FARS2: variants seen among roughly 807,000 people sequenced by gnomAD.
The protein encoded by FARS2 is phenylalanyl-tRNA synthetase 2, mitochondrial, also known as phenylalanine--tRNA ligase, mitochondrial.
Under a neutral mutation model 46.4 loss-of-function variants are expected in FARS2, and 40 were observed. The observed-to-expected ratio is 0.86, with a 90% CI of 0.67 to 1.12. FARS2 has a LOEUF of 1.12. Among genes scored for constraint, FARS2 ranks in the 50% most tolerant of loss-of-function variants. The pLI is 0.00. For missense variants in FARS2, 513 were observed against 567.9 expected, an observed-to-expected ratio of 0.90 and a Z score of 0.98; for synonymous variants, 234 against 214.9, an observed-to-expected ratio of 1.09 and a Z score of -0.78.
chr6:5,574,404 G>A (rs868167231), intron 5 of FARS2, among the ~76,000 whole-genome samples: 8 of 152,158 alleles, frequency 5.3e-5, no homozygotes, highest in African/African-American at 1.7e-4. Flanking sequence ...GATTACAGGC[G>A]TTAGGAGAGT....
intron 1 of FARS2, among the ~76,000 whole-genome samples, chr6:5,317,200 A>G (rs940034944): frequency 3.3e-5 from 5 of 152,200 alleles, no homozygotes; most frequent in African/African-American, 1.2e-4. Context: ...ACCCAGATAA[A>G]CATAAAACCT....
chr6:5,580,020 A>G (rs968069535), intron 5 of FARS2, among the ~76,000 whole-genome samples: 7 of 152,002 alleles, frequency 4.6e-5, no homozygotes, highest in African/African-American at 1.4e-4. Context: ...GGCCGGGCGC[A>G]GTGGCTCATG....
chr6:5,387,227 C>G (rs1447047603), intron 2 of FARS2, among the ~76,000 whole-genome samples: 1 of 152,150 alleles, frequency 6.6e-6, no homozygotes, highest in Non-Finnish European at 1.5e-5. Context: ...GGCATGATTT[C>G]TAAGTGACAT....
rs556148435 is a variant in FARS2 at position 5,770,932 on chromosome 6, G to T, written c.1218-359G>T. Among the ~76,000 whole-genome samples, 492 of 152,220 alleles carry T rather than the reference G, an allele frequency of 3.2e-3. 6 individuals carry two copies. The highest frequency in any genetic ancestry group is 0.011 in the African/African-American group (470 of 41,534). ...GGTTGACCCCTGACCCTGTCTGCTT[G>T]TTAGAATCACGTCGGGAACCGGGGA... On this transcript the variant is annotated intron_variant, in intron 6 of 6. Transcript: ENST00000274680.
intron 6 of FARS2, among the ~76,000 whole-genome samples, chr6:5,719,939 A>T (rs1289221252): frequency 6.6e-6 from 1 of 152,220 alleles, no homozygotes; most frequent in Non-Finnish European, 1.5e-5. Flanking sequence ...ATTATACCAC[A>T]GAAATTGTTA....
At chr6:5,667,258 G>A (rs1489046381) in intron 6 of FARS2, among the ~76,000 whole-genome samples, 5 of 152,106 alleles carry the variant, frequency 3.3e-5, no homozygotes, top group Non-Finnish European at 5.9e-5. Context: ...AGTGGCTCAC[G>A]CCTGTAATCC....
At chr6:5,337,958 G>A (rs1431591365) in intron 1 of FARS2, among the ~76,000 whole-genome samples, 1 of 151,968 alleles carries the variant, frequency 6.6e-6, no homozygotes, top group Admixed American at 6.6e-5. Context: ...TCATATTTTT[G>A]GTAGAACAAT....
chr6:5,406,920 GC>G (rs1386861922), intron 3 of FARS2, among the ~76,000 whole-genome samples: 2 of 151,412 alleles, frequency 1.3e-5, no homozygotes, highest in African/African-American at 4.9e-5. Context: ...TTTAATTGTA[GC>G]CATTCTAACA....
chr6:5,332,226 A>C (rs183720381), intron 1 of FARS2, among the ~76,000 whole-genome samples: 5 of 152,332 alleles, frequency 3.3e-5, no homozygotes, highest in African/African-American at 9.6e-5. Context: ...TGCAGCAAGC[A>C]GTGGGTTGTA....
At chr6:5,481,166 C>T (rs920133974) in intron 4 of FARS2, among the ~76,000 whole-genome samples, 7 of 152,208 alleles carry the variant, frequency 4.6e-5, no homozygotes, top group Non-Finnish European at 8.8e-5. Context: ...AGCATCTTCT[C>T]GTCTCGGTTC....
chr6:5,686,069 A>G (rs1413595310), intron 6 of FARS2, among the ~76,000 whole-genome samples: 2 of 152,176 alleles, frequency 1.3e-5, no homozygotes, highest in Non-Finnish European at 1.5e-5. Context: ...AGACTGGTGG[A>G]TGATGAGATT....
intron 4 of FARS2, among the ~76,000 whole-genome samples, chr6:5,451,190 G>A (rs1009856795): frequency 2.6e-5 from 4 of 151,728 alleles, no homozygotes; most frequent in Admixed American, 2.6e-4. Context: ...TTTTTATCCT[G>A]CCACTTCAGG....
At position 5,722,884 on chromosome 6, in the gene FARS2, T is replaced by C. The variant is rs535820267; in HGVS notation, c.1218-48407T>C. 5.9e-5 allele frequency among the ~76,000 whole-genome samples: 9 copies of C among 152,116 alleles called. No homozygotes were observed. In the East Asian group the frequency reaches 1.7e-3, roughly 29 times the overall value. On this transcript the variant is annotated intron_variant, in intron 6 of 6. Coordinates refer to ENST00000274680, the MANE Select transcript of FARS2 (RefSeq NM_006567.5). ...CTAGTTATGAAGTTGTAAATATAAGTAAAAAAGAAAATCCCAAAAGATTAC... is the reference window on the plus strand; with the variant it reads ...CTAGTTATGAAGTTGTAAATATAAGCAAAAAAGAAAATCCCAAAAGATTAC...
chr6:5,765,683 G>A lies in FARS2; in HGVS notation c.1218-5608G>A, dbSNP rs757093969. Among the ~76,000 whole-genome samples the A allele has an allele frequency of 7.2e-5, 11 of 152,142 alleles. No homozygotes were observed. The highest frequency in any genetic ancestry group is 1.0e-4 in the Non-Finnish European group (7 of 68,022). ...GGGGTGCGGTGTGGCTGACTTCATC[G>A]CCAAGCAAGTACCAGCCCCTCCTGC... On this transcript the variant is annotated intron_variant, in intron 6 of 6. Coordinates refer to ENST00000274680, the MANE Select transcript of FARS2 (RefSeq NM_006567.5). This position sits in a 1 kb window ranked among gnomAD's most constrained non-coding sequence, Gnocchi z 4.0.
At chr6:5,518,908 G>A (rs1341666662) in intron 4 of FARS2, among the ~76,000 whole-genome samples, 2 of 152,172 alleles carry the variant, frequency 1.3e-5, no homozygotes, top group Non-Finnish European at 1.5e-5. Context: ...GGTTACAGTA[G>A]CAGCACTTGC....
chr6:5,581,941 C>A (rs1311213188), intron 5 of FARS2, among the ~76,000 whole-genome samples: 2 of 146,764 alleles, frequency 1.4e-5, no homozygotes, highest in Admixed American at 6.8e-5. Flanking sequence ...TAACATACTT[C>A]CGGTTAATTC....
chr6:5,595,303 C>T (rs1774136348), intron 5 of FARS2, among the ~76,000 whole-genome samples: 1 of 152,290 alleles, frequency 6.6e-6, no homozygotes, highest in African/African-American at 2.4e-5. Context: ...GAGGTCTACC[C>T]CTTAATCCTT....
chr6:5,733,247 C>T (rs1223280282), intron 6 of FARS2, among the ~76,000 whole-genome samples: 2 of 152,148 alleles, frequency 1.3e-5, no homozygotes, highest in Admixed American at 1.3e-4. Context: ...ATCACAGTAG[C>T]ACTTTCTACT....
At position 5,548,252 on chromosome 6, in the gene FARS2, G is replaced by A. The variant is rs117992483; in HGVS notation, c.1065+2912G>A. ...ATACAATTGAAGTTGAGATTTGGGC[G>A]GGGACACAGCCAAACCATATCATCA... is the stretch of plus-strand genomic sequence containing the variant. On this transcript the variant is annotated intron_variant, in intron 5 of 6. Coordinates refer to ENST00000274680, the MANE Select transcript of FARS2 (RefSeq NM_006567.5). Among the ~76,000 whole-genome samples, 327 of 152,258 alleles carry A rather than the reference G, an allele frequency of 2.1e-3. 7 individuals carry two copies. The East Asian group carries it at 0.033, about 16-fold the overall frequency.
Sources: gnomAD v4.1 joint callset for allele counts (sites outside exome capture counted in the v4.1 genomes callset) on GRCh38, gnomAD v4.1.1 for gene constraint, Gnocchi (gnomAD v3.1) non-coding constraint, MANE v1.5 for transcripts, NCBI Gene and HGNC (gene_info 2026-07-23, HGNC 2026-07-21) for gene names.